Variants in BBS9 observed in about 807,000 individuals in gnomAD.
The protein encoded by BBS9 is protein PTHB1.
Under a neutral mutation model 117.7 loss-of-function variants are expected in BBS9, and 89 were observed. That is an observed-to-expected ratio of 0.76 (90% CI 0.64 to 0.90). BBS9 has a LOEUF of 0.90. BBS9 is among the 40% of genes least tolerant of loss of function. The probability of loss-of-function intolerance (pLI) is 0.00; values close to 1 mark genes in which losing one functional copy is unlikely to be tolerated. For synonymous variants in BBS9, 379 were observed against 370.9 expected (o/e 1.02, Z -0.25); for missense variants, 982 against 1,042.2 (o/e 0.94, Z 0.80).
intron 5 of BBS9, among the ~76,000 whole-genome samples, chr7:33,217,501 A>T (rs1325897697): frequency 1.3e-5 from 2 of 152,236 alleles, no homozygotes; most frequent in Non-Finnish European, 2.9e-5. Context: ...AAACATGTTT[A>T]GCTCCTCAAA....
intron 19 of BBS9, among the ~76,000 whole-genome samples, chr7:33,504,326 T>C (rs1845850451): frequency 1.3e-5 from 2 of 152,350 alleles, no homozygotes; most frequent in South Asian, 4.1e-4. Context: ...TTGCTCTGCC[T>C]ACATCTCTTT....
intron 5 of BBS9, among the ~76,000 whole-genome samples, chr7:33,253,070 A>G (rs890500507): frequency 2.0e-5 from 3 of 152,200 alleles, no homozygotes; most frequent in African/African-American, 7.2e-5. Flanking sequence ...TCACAACGCC[A>G]TGATCACTTA....
chr7:33,562,011 T>A (rs942364743), intron 21 of BBS9, among the ~76,000 whole-genome samples: 2 of 152,356 alleles, frequency 1.3e-5, no homozygotes, highest in African/African-American at 4.8e-5. Flanking sequence ...GTCTGACCTT[T>A]TAGGAATAAT....
intron 21 of BBS9, among the ~76,000 whole-genome samples, chr7:33,588,460 A>G (rs1398203943): frequency 1.3e-5 from 2 of 152,120 alleles, no homozygotes; most frequent in Non-Finnish European, 2.9e-5. Flanking sequence ...GTTGACAACT[A>G]AATATCGTGT....
intron 9 of BBS9, among the ~76,000 whole-genome samples, chr7:33,297,778 A>G (rs574555817): frequency 5.3e-5 from 8 of 152,304 alleles, no homozygotes; most frequent in African/African-American, 1.9e-4. Context: ...ATTCAGAATC[A>G]TGAAAGGATG....
chr7:33,443,278 T>C (rs1169040079), intron 19 of BBS9, among the ~76,000 whole-genome samples: 8 of 152,202 alleles, frequency 5.3e-5, no homozygotes, highest in Admixed American at 5.2e-4. Flanking sequence ...AAAAGGAGAC[T>C]TGCTTGTCAT....
chr7:33,398,761 C>T (rs982193427), intron 19 of BBS9, among the ~76,000 whole-genome samples: 1 of 152,104 alleles, frequency 6.6e-6, no homozygotes, highest in Non-Finnish European at 1.5e-5. Flanking sequence ...TTTTTTGAGA[C>T]AGAGTCTCGC....
At chr7:33,378,747 C>G (rs1004870240) in intron 17 of BBS9, among the ~76,000 whole-genome samples, 1 of 152,180 alleles carries the variant, frequency 6.6e-6, no homozygotes, top group Non-Finnish European at 1.5e-5. Flanking sequence ...CCACAGCATC[C>G]CCCATTTTCT....
chr7:33,509,790 CA>C (rs2129022193), intron 20 of BBS9, among the ~76,000 whole-genome samples: 1 of 152,256 alleles, frequency 6.6e-6, no homozygotes, highest in South Asian at 2.1e-4. Context: ...ATCAGGTTCA[CA>C]ATGCAAAAAT....
intron 19 of BBS9, among the ~76,000 whole-genome samples, chr7:33,465,818 T>C (rs1840080786): frequency 6.6e-6 from 1 of 152,172 alleles, no homozygotes; most frequent in South Asian, 2.1e-4. Flanking sequence ...CTATATATTA[T>C]TATTTTCTTG....
intron 5 of BBS9, among the ~76,000 whole-genome samples, chr7:33,239,253 C>T (rs1046643605): frequency 2.0e-5 from 3 of 152,074 alleles, no homozygotes; most frequent in Admixed American, 6.6e-5. Flanking sequence ...CTACTACCTA[C>T]GACTACGCTA....
chr7:33,545,066 C>CGA (rs1563336282), intron 21 of BBS9, among the ~76,000 whole-genome samples: 8 of 152,116 alleles, frequency 5.3e-5, no homozygotes, highest in Non-Finnish European at 1.2e-4. Flanking sequence ...AGCCCCGACT[C>CGA]TGTTTCTAGG....
At chr7:33,590,972 G>C (rs1861819766) in intron 21 of BBS9, among the ~76,000 whole-genome samples, 1 of 152,018 alleles carries the variant, frequency 6.6e-6, no homozygotes, top group South Asian at 2.1e-4. Flanking sequence ...GTTAGCTAGA[G>C]AGATTTCATT....
At chr7:33,182,015 AG>A (rs1234781542) in intron 5 of BBS9, among the ~76,000 whole-genome samples, 6 of 152,210 alleles carry the variant, frequency 3.9e-5, no homozygotes, top group Non-Finnish European at 7.3e-5. Context: ...TGAACCCAGG[AG>A]GCGGAGCTTG....
At chr7:33,271,349 C>A (rs1303469453) in intron 7 of BBS9, among the ~76,000 whole-genome samples, 1 of 152,166 alleles carries the variant, frequency 6.6e-6, no homozygotes, top group African/African-American at 2.4e-5. Context: ...ATGACAGGAT[C>A]AAATCCACAC....
rs1228030952 is a variant in BBS9 at position 33,527,093 on chromosome 7, C to A, written c.2299-6861C>A. On this transcript the variant is annotated intron_variant, in intron 20 of 22. Transcript: ENST00000242067. ...GGGGTCAGGCACCCACTTGAGGAGG[C>A]AGTCTGCCTCTTCTCAGATCTCCAG... Among the ~76,000 whole-genome samples, 21 of 152,026 alleles carry A rather than the reference C, an allele frequency of 1.4e-4. 1 individual carries two copies. The highest frequency in any genetic ancestry group is 1.3e-3 in the South Asian group (6 of 4,764).
intron 5 of BBS9, among the ~76,000 whole-genome samples, chr7:33,255,347 C>CTTTTTTTT (rs34214619): frequency 1.5e-5 from 2 of 134,030 alleles, no homozygotes; most frequent in Non-Finnish European, 3.1e-5. Flanking sequence ...AGATAAGGAT[C>CTTTTTTTT]TTTTTTTTTT....
chr7:33,437,827 G>A (rs566759061), intron 19 of BBS9, among the ~76,000 whole-genome samples: 38 of 152,184 alleles, frequency 2.5e-4, no homozygotes, highest in Non-Finnish European at 5.3e-4. Context: ...ACTGAGCCAA[G>A]ATCCTGCCAC....
chr7:33,405,102 T>A (rs1394276128), intron 19 of BBS9, among the ~76,000 whole-genome samples: 1 of 152,212 alleles, frequency 6.6e-6, no homozygotes, highest in Non-Finnish European at 1.5e-5. Context: ...ATTGAGATAA[T>A]CATGTGTTTT....
Sources: gnomAD v4.1 joint callset for allele counts (sites outside exome capture counted in the v4.1 genomes callset) on GRCh38, gnomAD v4.1.1 for gene constraint, MANE v1.5 for transcripts, NCBI Gene and HGNC (gene_info 2026-07-23, HGNC 2026-07-21) for gene names.